POU6F2: variants seen among roughly 807,000 people sequenced by gnomAD.
The protein encoded by POU6F2 is POU domain, class 6, transcription factor 2.
POU6F2 carries 31 observed loss-of-function variants against 71.3 expected under a neutral mutation model. The ratio of observed to expected loss-of-function variants is 0.43; its 90% CI spans 0.33 to 0.59. The LOEUF is 0.59. Ranked by LOEUF, POU6F2 falls within the 20% of genes least tolerant of loss-of-function variation. POU6F2 has a pLI of 0.04. For missense variants in POU6F2, 783 were observed against 856.8 expected, an observed-to-expected ratio of 0.91 and a Z score of 1.07; for synonymous variants, 347 against 355.7, an observed-to-expected ratio of 0.98 and a Z score of 0.27.
intron 5 of POU6F2, among the ~76,000 whole-genome samples, chr7:39,387,027 G>T (rs1338862654): frequency 2.0e-5 from 3 of 152,198 alleles, no homozygotes; most frequent in African/African-American, 7.2e-5. Context: ...AACACTAGCT[G>T]CCCAGGGCCA....
At chr7:39,273,669 G>T (rs543344141) in intron 4 of POU6F2, among the ~76,000 whole-genome samples, 1 of 152,020 alleles carries the variant, frequency 6.6e-6, no homozygotes, top group South Asian at 2.1e-4. Flanking sequence ...AAGACTAGAG[G>T]TTTCTTGGTT....
intron 2 of POU6F2, among the ~76,000 whole-genome samples, chr7:39,132,044 A>G (rs920903208): frequency 6.6e-6 from 1 of 152,212 alleles, no homozygotes; most frequent in Admixed American, 6.5e-5. Flanking sequence ...AAAATGTACA[A>G]TTAAATTATT....
chr7:39,236,517 T>G (rs1285743910), intron 4 of POU6F2, among the ~76,000 whole-genome samples: 1 of 152,174 alleles, frequency 6.6e-6, no homozygotes. Flanking sequence ...CCGCTTTTCA[T>G]TTTTTACCAT....
At chr7:39,371,124 A>G (rs887785681) in intron 5 of POU6F2, among the ~76,000 whole-genome samples, 3 of 152,080 alleles carry the variant, frequency 2.0e-5, no homozygotes, top group Non-Finnish European at 2.9e-5. Flanking sequence ...CTTTACAGTC[A>G]ATGGAATCAA....
At chr7:38,996,641 A>C (rs1788746468) in intron 1 of POU6F2, among the ~76,000 whole-genome samples, 1 of 152,156 alleles carries the variant, frequency 6.6e-6, no homozygotes, top group Non-Finnish European at 1.5e-5. Context: ...TTTCCTACAA[A>C]TCCACTCCAC....
At chr7:39,103,899 TAC>T (rs747936784) in intron 2 of POU6F2, among the ~76,000 whole-genome samples, 25 of 152,274 alleles carry the variant, frequency 1.6e-4, no homozygotes, top group Non-Finnish European at 2.6e-4. Context: ...TGGACAAATA[TAC>T]AGAGTGAAAA....
chr7:38,980,040 G>A (rs570738227), intron 1 of POU6F2, among the ~76,000 whole-genome samples: 119 of 152,222 alleles, frequency 7.8e-4, no homozygotes, highest in African/African-American at 2.6e-3. Flanking sequence ...TTTAAAATTA[G>A]TTATTATTAC....
chr7:39,152,371 G>T (rs1413659188), intron 2 of POU6F2, among the ~76,000 whole-genome samples: 1 of 152,100 alleles, frequency 6.6e-6, no homozygotes, highest in Admixed American at 6.5e-5. Context: ...GTCCCCAAAG[G>T]TTCCTGCTTC....
At chr7:39,063,487 C>A (rs867019186) in intron 1 of POU6F2, among the ~76,000 whole-genome samples, 3 of 152,078 alleles carry the variant, frequency 2.0e-5, no homozygotes, top group African/African-American at 7.2e-5. Flanking sequence ...TAATGAAACA[C>A]GTAAAACTCT....
chr7:39,355,240 C>T (rs1327072523), intron 5 of POU6F2, among the ~76,000 whole-genome samples: 1 of 152,006 alleles, frequency 6.6e-6, no homozygotes, highest in African/African-American at 2.4e-5. Context: ...TGAGTGATTG[C>T]TAAATTGGTT....
intron 2 of POU6F2, among the ~76,000 whole-genome samples, chr7:39,154,833 G>A (rs1792836264): frequency 6.6e-6 from 1 of 152,148 alleles, no homozygotes. Context: ...TGTGAATCTA[G>A]GCAGAACCCC....
At chr7:39,012,283 A>G (rs1176205430) in intron 1 of POU6F2, among the ~76,000 whole-genome samples, 1 of 151,794 alleles carries the variant, frequency 6.6e-6, no homozygotes, top group Non-Finnish European at 1.5e-5. Context: ...TTCATCTTCC[A>G]TTGCTGATAC....
intron 7 of POU6F2, among the ~76,000 whole-genome samples, chr7:39,449,254 C>T (rs1205120682): frequency 3.3e-5 from 5 of 152,170 alleles, no homozygotes; most frequent in African/African-American, 9.7e-5. Flanking sequence ...GTCACATAAT[C>T]CTGCCAGGCA....
intron 4 of POU6F2, among the ~76,000 whole-genome samples, chr7:39,261,346 C>T (rs1192475386): frequency 6.6e-6 from 1 of 152,200 alleles, no homozygotes. Flanking sequence ...CTTAGGTCAC[C>T]TTATTAAAGT....
chr7:39,423,399 A>G (rs1787898145), intron 6 of POU6F2, among the ~76,000 whole-genome samples: 1 of 152,178 alleles, frequency 6.6e-6, no homozygotes, highest in Non-Finnish European at 1.5e-5. Context: ...CTGGTCTTCT[A>G]TAGTGGGAAC....
chr7:39,219,378 A>G (rs919494178), intron 4 of POU6F2, among the ~76,000 whole-genome samples: 1 of 152,210 alleles, frequency 6.6e-6, no homozygotes, highest in Non-Finnish European at 1.5e-5. Flanking sequence ...ACGTAGTTGT[A>G]GCCTTAAAAT....
chr7:39,431,716 C>G (rs1788106437), intron 6 of POU6F2, among the ~76,000 whole-genome samples: 1 of 152,232 alleles, frequency 6.6e-6, no homozygotes, highest in Admixed American at 6.5e-5. Flanking sequence ...AGAGACTCAG[C>G]TGAGTTGCTT....
chr7:39,405,018 A>G (rs1787391278), intron 5 of POU6F2: 1 of 152,200 alleles, frequency 6.6e-6, no homozygotes, highest in Non-Finnish European at 1.5e-5. Flanking sequence ...TAAAAAGAAA[A>G]TCATTATTGT....
intron 1 of POU6F2, among the ~76,000 whole-genome samples, chr7:38,996,145 T>A (rs960065170): frequency 6.6e-6 from 1 of 151,392 alleles, no homozygotes; most frequent in East Asian, 2.0e-4. Flanking sequence ...GTTCAAGCGA[T>A]TCTCCTGTCT....
Sources: allele counts gnomAD v4.1 joint callset (sites outside exome capture counted in the v4.1 genomes callset), GRCh38; gene constraint gnomAD v4.1.1; transcripts MANE v1.5; gene names NCBI Gene and HGNC (gene_info 2026-07-23, HGNC 2026-07-21).